DCAF8L2: variants seen among roughly 807,000 people sequenced by gnomAD.
DCAF8L2 encodes the protein DDB1- and CUL4-associated factor 8-like protein 2.
For missense variants in DCAF8L2, 430 were observed against 490.7 expected, an observed-to-expected ratio of 0.88 and a Z score of 1.17; for synonymous variants, 200 against 190.9, an observed-to-expected ratio of 1.05 and a Z score of -0.39.
intron 1 of DCAF8L2, among the ~76,000 whole-genome samples, chrX:27,598,030 T>G (rs1446721918): frequency 8.9e-6 from 1 of 112,347 alleles, no homozygotes; most frequent in Admixed American, 9.5e-5. Context: ...TTATAAATCT[T>G]ATTTTCATAT....
At chrX:27,591,337 C>T (rs1354784387) in intron 1 of DCAF8L2, among the ~76,000 whole-genome samples, 1 of 110,932 alleles carries the variant, frequency 9.0e-6, no homozygotes, top group East Asian at 2.8e-4. Flanking sequence ...TTTCCAGATA[C>T]TATGATAACC....
the DCAF8L2 span, among the ~76,000 whole-genome samples, chrX:27,507,557 G>A: frequency 1.8e-5 from 2 of 111,538 alleles, no homozygotes; most frequent in Non-Finnish European, 3.8e-5. Context: ...ATTTGTAGCA[G>A]CATTATTAAT....
the DCAF8L2 span, among the ~76,000 whole-genome samples, chrX:27,517,488 C>A: frequency 3.7e-5 from 4 of 107,708 alleles, no homozygotes; most frequent in Non-Finnish European, 7.6e-5. Flanking sequence ...TTAGTGTTAA[C>A]CTTCAACAGA....
At chrX:27,512,318 C>T in the DCAF8L2 span, among the ~76,000 whole-genome samples, 4 of 110,301 alleles carry the variant, frequency 3.6e-5, no homozygotes, top group South Asian at 3.9e-4. Context: ...AAAGATATCC[C>T]GTGTTCATGG....
chrX:27,619,390 GGAGAGAGAGAAAGA>G (rs1054713905), intron 1 of DCAF8L2, among the ~76,000 whole-genome samples: 7 of 110,582 alleles, frequency 6.3e-5, no homozygotes, highest in East Asian at 2.8e-4. Context: ...TAGATAGATA[GGAGAGAGAGAAAGA>G]GAGAGAGAGA....
chrX:27,499,835 G>T, the DCAF8L2 span, among the ~76,000 whole-genome samples: 4 of 45,597 alleles, frequency 8.8e-5, no homozygotes, highest in African/African-American at 2.0e-4. Flanking sequence ...AGATTTGGTG[G>T]TGGGGGGGGG....
chrX:27,553,824 T>G, the DCAF8L2 span, among the ~76,000 whole-genome samples: 1 of 112,431 alleles, frequency 8.9e-6, no homozygotes, highest in Non-Finnish European at 1.9e-5. Flanking sequence ...CCATGCTATT[T>G]ATTTTTAGTT....
At chrX:27,642,651 C>G (rs1928783913) in intron 2 of DCAF8L2, among the ~76,000 whole-genome samples, 1 of 111,711 alleles carries the variant, frequency 9.0e-6, no homozygotes, top group South Asian at 3.7e-4. Flanking sequence ...CTCTTCAACT[C>G]AAGGACACTG....
intron 3 of DCAF8L2, among the ~76,000 whole-genome samples, chrX:27,688,201 T>C (rs775938154): frequency 5.3e-4 from 59 of 112,148 alleles, no homozygotes; most frequent in Non-Finnish European, 1.1e-3. Flanking sequence ...AATGGGCTCA[T>C]GATGATGAAG....
At chrX:27,544,662 T>A in the DCAF8L2 span, among the ~76,000 whole-genome samples, 2 of 112,438 alleles carry the variant, frequency 1.8e-5, no homozygotes, top group African/African-American at 6.5e-5. Context: ...ATCCCTTATA[T>A]GTGATTTACA....
the DCAF8L2 span, among the ~76,000 whole-genome samples, chrX:27,514,939 G>T: frequency 3.3e-4 from 37 of 111,176 alleles, no homozygotes; most frequent in Non-Finnish European, 6.6e-4. Context: ...CAACGTTACA[G>T]TTAGGAAGAA....
chrX:27,680,379 C>G (rs1349121591), intron 3 of DCAF8L2, among the ~76,000 whole-genome samples: 1 of 112,130 alleles, frequency 8.9e-6, no homozygotes, highest in Admixed American at 9.5e-5. Flanking sequence ...CGCAGGATCA[C>G]AATAGCATTG....
At chrX:27,492,481 C>CTTTT in the DCAF8L2 span, among the ~76,000 whole-genome samples, 1 of 96,173 alleles carries the variant, frequency 1.0e-5, no homozygotes, top group African/African-American at 3.9e-5. Flanking sequence ...TTCTTTCTTT[C>CTTTT]TTTTTTTTTT....
At chrX:27,540,204 T>A in the DCAF8L2 span, among the ~76,000 whole-genome samples, 2 of 111,799 alleles carry the variant, frequency 1.8e-5, no homozygotes, top group African/African-American at 6.5e-5. Context: ...TATAGGCTTC[T>A]CTTACTTGAG....
the DCAF8L2 span, among the ~76,000 whole-genome samples, chrX:27,532,082 T>G: frequency 1.8e-5 from 2 of 110,005 alleles, no homozygotes; most frequent in Non-Finnish European, 3.8e-5. Context: ...TATATATATT[T>G]CCTAATAATT....
At chrX:27,483,867 G>T in the DCAF8L2 span, among the ~76,000 whole-genome samples, 6 of 111,068 alleles carry the variant, frequency 5.4e-5, no homozygotes, top group Non-Finnish European at 7.6e-5. Flanking sequence ...TGAAGGAAAA[G>T]AACTGTGGCC....
the DCAF8L2 span, among the ~76,000 whole-genome samples, chrX:27,572,217 C>A: frequency 9.0e-6 from 1 of 111,303 alleles, no homozygotes; most frequent in Non-Finnish European, 1.9e-5. Context: ...GCTATAGCTT[C>A]TGGGGTTAAT....
chrX:27,734,616 A>T (rs1037526206), intron 4 of DCAF8L2, among the ~76,000 whole-genome samples: 2 of 112,270 alleles, frequency 1.8e-5, no homozygotes, highest in African/African-American at 3.2e-5. Flanking sequence ...TGTTTGATAA[A>T]TATACCTTTG....
chrX:27,549,849 C>T, the DCAF8L2 span, among the ~76,000 whole-genome samples: 2 of 111,326 alleles, frequency 1.8e-5, no homozygotes, highest in Non-Finnish European at 3.8e-5. Context: ...CTACCCTTAA[C>T]CAAAGAAAGC....
Sources: gnomAD v4.1 joint callset for allele counts (sites outside exome capture counted in the v4.1 genomes callset) on GRCh38, gnomAD v4.1.1 for gene constraint, MANE v1.5 for transcripts, NCBI Gene and HGNC (gene_info 2026-07-23, HGNC 2026-07-21) for gene names.